SEL1L2: variants seen among roughly 807,000 people sequenced by gnomAD.
SEL1L2 encodes the protein SEL1L2 adaptor subunit of SYVN1 ubiquitin ligase.
In SEL1L2, 89 loss-of-function variants were observed where a neutral mutation model predicts 98.8. The ratio of observed to expected loss-of-function variants is 0.90; its 90% CI spans 0.76 to 1.07. The LOEUF (loss-of-function observed/expected upper bound fraction) is 1.07, where lower values mean the gene tolerates loss of function less well. Ranked by LOEUF, SEL1L2 falls within the 50% of genes least tolerant of loss-of-function variation. The probability of loss-of-function intolerance (pLI) is 0.00; values close to 1 mark genes in which losing one functional copy is unlikely to be tolerated. For missense variants in SEL1L2, 788 were observed against 812.0 expected (o/e 0.97, Z 0.36); for synonymous variants, 262 against 278.5 (o/e 0.94, Z 0.59).
intron 2 of SEL1L2, among the ~76,000 whole-genome samples, chr20:13,949,525 G>A (rs557137641): frequency 1.9e-4 from 29 of 152,174 alleles, no homozygotes; most frequent in Non-Finnish European, 3.5e-4. Context: ...TTAGCCAGGC[G>A]TGGTGGCAGG....
intron 13 of SEL1L2, 81 bp from the exon 14 acceptor site, chr20:13,869,671 G>C: frequency 1.0e-6 from 1 of 969,732 alleles, no homozygotes; most frequent in Non-Finnish European, 1.7e-6. Flanking sequence ...CTTAAAAAGA[G>C]TATAGACAGT....
At chr20:13,969,735 A>G (rs2077556255) in intron 1 of SEL1L2, among the ~76,000 whole-genome samples, 1 of 152,150 alleles carries the variant, frequency 6.6e-6, no homozygotes, top group South Asian at 2.1e-4. Context: ...CGAATATCCA[A>G]TTGTTATTCA....
Position 13,887,870 on chromosome 20 carries a change from A to G in SEL1L2, c.664-20T>C, listed in dbSNP as rs759659379. 1.9e-6 allele frequency: 3 copies of G among 1,605,572 alleles called. No homozygotes were observed. The highest frequency in any genetic ancestry group is 2.6e-6 in the Non-Finnish European group (3 of 1,172,656). On this transcript the variant is annotated intron_variant, in intron 7 of 19. Transcript: ENST00000284951. ...GTACCCCTAAAACACAGACAGATGC[A>G]TTCTTAATATTCAAGACAATGCTGT...
intron 3 of SEL1L2, among the ~76,000 whole-genome samples, chr20:13,922,738 G>A (rs975750995): frequency 6.6e-6 from 1 of 152,000 alleles, no homozygotes; most frequent in Non-Finnish European, 1.5e-5. Flanking sequence ...GATCCTTTAC[G>A]TGGTTTGTGA....
chr20:13,851,126 A>G (rs1988180413), intron 18 of SEL1L2, among the ~76,000 whole-genome samples: 1 of 151,968 alleles, frequency 6.6e-6, no homozygotes, highest in Non-Finnish European at 1.5e-5. Flanking sequence ...AATCCCAGTT[A>G]TTTGGCACGA....
intron 18 of SEL1L2, among the ~76,000 whole-genome samples, chr20:13,857,804 A>G (rs1989402238): frequency 2.0e-5 from 3 of 152,230 alleles, no homozygotes; most frequent in African/African-American, 7.2e-5. Context: ...TTCTGATCTA[A>G]ATAGCAGTCA....
chr20:13,898,467 C>A (rs569568819), intron 5 of SEL1L2, among the ~76,000 whole-genome samples: 3 of 152,092 alleles, frequency 2.0e-5, no homozygotes, highest in African/African-American at 7.2e-5. Context: ...ATTTATAACC[C>A]CACACAGGAG....
At chr20:13,908,143 G>C in intron 5 of SEL1L2, among the ~76,000 whole-genome samples, 1 of 55,686 alleles carries the variant, frequency 1.8e-5, no homozygotes, top group Admixed American at 3.0e-4. Flanking sequence ...TTTGAGACAG[G>C]GTTTTGCTCT....
intron 3 of SEL1L2, among the ~76,000 whole-genome samples, chr20:13,928,913 T>C (rs765546297): frequency 3.3e-5 from 5 of 152,218 alleles, no homozygotes; most frequent in Non-Finnish European, 7.3e-5. Context: ...GTCAATTTCA[T>C]GTGTCAGTTT....
chr20:13,888,744 T>TGGG (rs2047072160), intron 5 of SEL1L2, among the ~76,000 whole-genome samples: 1 of 146,674 alleles, frequency 6.8e-6, no homozygotes, highest in Non-Finnish European at 1.5e-5. Context: ...GTTCAAGTGA[T>TGGG]TCTCCTGCCT....
chr20:13,883,848 G>A (rs959030216), intron 10 of SEL1L2, among the ~76,000 whole-genome samples: 1 of 152,204 alleles, frequency 6.6e-6, no homozygotes, highest in Non-Finnish European at 1.5e-5. Flanking sequence ...TGGAAAATGA[G>A]GACGTCTTCC....
At chr20:13,982,644 T>G (rs1002437629) in intron 1 of SEL1L2, among the ~76,000 whole-genome samples, 1 of 148,172 alleles carries the variant, frequency 6.7e-6, no homozygotes, top group African/African-American at 2.5e-5. Context: ...AGAGAAGAAA[T>G]AGATGGGAGA....
intron 5 of SEL1L2, among the ~76,000 whole-genome samples, chr20:13,892,059 T>A (rs1360531062): frequency 6.6e-6 from 1 of 152,182 alleles, no homozygotes. Context: ...AAAGATGTAA[T>A]TTGTGAAGTT....
At chr20:13,849,779 T>G (rs1042990941) in intron 19 of SEL1L2, among the ~76,000 whole-genome samples, 175 bp from the exon 20 acceptor site, 1 of 152,172 alleles carries the variant, frequency 6.6e-6, no homozygotes, top group Non-Finnish European at 1.5e-5. Flanking sequence ...GGGGCTTAAA[T>G]AGCACCTTTA....
At chr20:13,884,173 A>G (rs902321389) in intron 10 of SEL1L2, among the ~76,000 whole-genome samples, 4 of 152,182 alleles carry the variant, frequency 2.6e-5, no homozygotes, top group Non-Finnish European at 4.4e-5. Context: ...GTAGTAACAG[A>G]TTACTTTTTT....
Position 13,978,077 on chromosome 20 carries a change from G to A in SEL1L2, c.58+12400C>T, listed in dbSNP as rs571521520. Among the ~76,000 whole-genome samples the A allele has an allele frequency of 2.7e-4, 41 of 152,170 alleles. No homozygotes were observed. In the East Asian group the frequency reaches 7.7e-3, roughly 29 times the overall value. On this transcript the variant is annotated intron_variant, in intron 1 of 19. Transcript: ENST00000284951. ...CTTGAGCAAAAAGAACAAAGCTAGA[G>A]ACATCACACTACTTGACTTCAAAAT...
intron 4 of SEL1L2, among the ~76,000 whole-genome samples, chr20:13,917,806 T>TTTTTTTTTTTTTTTG (rs2048475601): frequency 7.6e-6 from 1 of 132,438 alleles, no homozygotes; most frequent in Non-Finnish European, 1.6e-5. Flanking sequence ...TTTTTTTTTT[T>TTTTTTTTTTTTTTTG]TTTTTTTTTG....
intron 4 of SEL1L2, chr20:13,915,362 A>G (rs2048359411): frequency 4.8e-6 from 3 of 624,696 alleles, no homozygotes; most frequent in Non-Finnish European, 7.2e-6. Context: ...TGGAGGCGGG[A>G]AGGCAAACAA....
chr20:13,964,960 CTTCT>C (rs2050972462), intron 1 of SEL1L2, among the ~76,000 whole-genome samples: 2 of 152,106 alleles, frequency 1.3e-5, no homozygotes. Flanking sequence ...ATCCTTCTTC[CTTCT>C]AACCCCCTAT....
Sources: gnomAD v4.1 joint callset for allele counts (sites outside exome capture counted in the v4.1 genomes callset) on GRCh38, gnomAD v4.1.1 for gene constraint, MANE v1.5 for transcripts, NCBI Gene and HGNC (gene_info 2026-07-23, HGNC 2026-07-21) for gene names.